Variants in MIPEP observed in about 807,000 individuals in gnomAD.
The protein encoded by MIPEP is mitochondrial intermediate peptidase.
MIPEP carries 79 observed loss-of-function variants against 90.3 expected under a neutral mutation model. The observed-to-expected ratio is 0.87, with a 90% CI of 0.73 to 1.05. The LOEUF (loss-of-function observed/expected upper bound fraction) is 1.05. Among genes scored for constraint, MIPEP ranks in the 50% least tolerant of loss-of-function variants. MIPEP has a pLI of 0.00. For synonymous variants in MIPEP, 334 were observed against 315.8 expected, an observed-to-expected ratio of 1.06 and a Z score of -0.61; for missense variants, 940 against 905.6, an observed-to-expected ratio of 1.04 and a Z score of -0.49.
chr13:23,809,395 G>A (rs1321991856), intron 15 of MIPEP, among the ~76,000 whole-genome samples: 2 of 151,548 alleles, frequency 1.3e-5, no homozygotes, highest in Non-Finnish European at 2.9e-5. Flanking sequence ...GCCCAGGCTG[G>A]AGTCAGTGGC....
chr13:23,814,773 A>G (rs954437748), intron 14 of MIPEP, among the ~76,000 whole-genome samples: 3 of 152,288 alleles, frequency 2.0e-5, no homozygotes, highest in South Asian at 4.2e-4. Context: ...AAGAAATACC[A>G]TTCGTTCCAT....
intron 14 of MIPEP, among the ~76,000 whole-genome samples, chr13:23,830,286 T>C (rs1384913139): frequency 6.6e-6 from 1 of 152,198 alleles, no homozygotes; most frequent in Non-Finnish European, 1.5e-5. Context: ...ATCTTAGGCA[T>C]AAAATATATA....
intron 14 of MIPEP, among the ~76,000 whole-genome samples, chr13:23,822,439 T>C (rs1034434600): frequency 3.9e-5 from 6 of 152,214 alleles, no homozygotes; most frequent in Admixed American, 1.3e-4. Context: ...AAGGCTGTAC[T>C]ACGGTTGGGT....
intron 4 of MIPEP, among the ~76,000 whole-genome samples, chr13:23,878,119 T>C (rs1871142163): frequency 6.6e-6 from 1 of 152,226 alleles, no homozygotes; most frequent in Non-Finnish European, 1.5e-5. Context: ...TGAATAACCT[T>C]CTATTTTTAA....
intron 18 of MIPEP, among the ~76,000 whole-genome samples, chr13:23,741,201 A>T (rs1952324484): frequency 6.6e-6 from 1 of 152,230 alleles, no homozygotes; most frequent in Admixed American, 6.5e-5. Flanking sequence ...AGAAAAAGGA[A>T]TGCTTATACA....
intron 16 of MIPEP, among the ~76,000 whole-genome samples, chr13:23,786,822 C>T (rs1028378728): frequency 2.0e-5 from 3 of 152,176 alleles, no homozygotes; most frequent in Admixed American, 2.0e-4. Flanking sequence ...ATCAACTTTG[C>T]TTACCTTTTG....
intron 14 of MIPEP, among the ~76,000 whole-genome samples, chr13:23,827,445 A>G (rs924687472): frequency 3.3e-5 from 5 of 152,190 alleles, no homozygotes; most frequent in African/African-American, 1.2e-4. Context: ...ATCTTCCCAC[A>G]GAGGAAACAA....
At chr13:23,833,618 C>T (rs760745706) in intron 14 of MIPEP, among the ~76,000 whole-genome samples, 1 of 152,200 alleles carries the variant, frequency 6.6e-6, no homozygotes, top group East Asian at 1.9e-4. Flanking sequence ...CCTTACATCA[C>T]ACTTGGAGCA....
At chr13:23,866,706 G>A (rs1870554405) in intron 7 of MIPEP, among the ~76,000 whole-genome samples, 1 of 152,116 alleles carries the variant, frequency 6.6e-6, no homozygotes, top group Non-Finnish European at 1.5e-5. Flanking sequence ...CGCAGTCCTT[G>A]GACTTGTTCT....
At chr13:23,779,317 T>C (rs1452375422) in intron 16 of MIPEP, among the ~76,000 whole-genome samples, 4 of 152,156 alleles carry the variant, frequency 2.6e-5, no homozygotes, top group Non-Finnish European at 4.4e-5. Context: ...GATAGTATGT[T>C]TTCATTAGAA....
chr13:23,861,251 A>G (rs1045574147), intron 9 of MIPEP, among the ~76,000 whole-genome samples: 1 of 152,214 alleles, frequency 6.6e-6, no homozygotes, highest in Non-Finnish European at 1.5e-5. Flanking sequence ...ACAAATATCT[A>G]CAGATAACAG....
At chr13:23,869,197 TA>T in intron 7 of MIPEP, 94 bp downstream of exon 7, 2 of 1,177,974 alleles carry the variant, frequency 1.7e-6, no homozygotes, top group Non-Finnish European at 2.4e-6. Flanking sequence ...CTACATGTAT[TA>T]AAAATAGAAC....
intron 18 of MIPEP, among the ~76,000 whole-genome samples, chr13:23,751,371 G>C (rs1220181979): frequency 1.3e-5 from 2 of 152,216 alleles, no homozygotes; most frequent in African/African-American, 4.8e-5. Flanking sequence ...TCTAGACTTT[G>C]GTTTGGTGAG....
intron 16 of MIPEP, among the ~76,000 whole-genome samples, chr13:23,773,866 T>C (rs1440185339): frequency 6.6e-6 from 1 of 152,222 alleles, no homozygotes; most frequent in African/African-American, 2.4e-5. Context: ...TATTTCACTT[T>C]CATGGTAGTG....
intron 17 of MIPEP, among the ~76,000 whole-genome samples, chr13:23,757,630 G>C (rs545361232): frequency 7.9e-5 from 12 of 152,270 alleles, no homozygotes; most frequent in African/African-American, 2.4e-4. Flanking sequence ...CTTGGTTCAG[G>C]ATAACAGTTA....
At chr13:23,846,095 G>C (rs570066256) in intron 10 of MIPEP, among the ~76,000 whole-genome samples, 1 of 151,860 alleles carries the variant, frequency 6.6e-6, no homozygotes, top group South Asian at 2.1e-4. Flanking sequence ...TTTATTTATT[G>C]GTTTAGCAAT....
intron 9 of MIPEP, 28 bp downstream of exon 9, chr13:23,862,274 T>C (rs1171068130): frequency 1.5e-6 from 2 of 1,342,480 alleles, no homozygotes; most frequent in Non-Finnish European, 2.1e-6. Context: ...CTGTCTATAT[T>C]ATAATAAAAA....
At chr13:23,809,358 T>G (rs1953147018) in intron 15 of MIPEP, among the ~76,000 whole-genome samples, 1 of 151,990 alleles carries the variant, frequency 6.6e-6, no homozygotes, top group Admixed American at 6.6e-5. Context: ...GTCTTTTTTT[T>G]TTTTTGAGAC....
intron 18 of MIPEP, among the ~76,000 whole-genome samples, chr13:23,747,719 C>A (rs1280595045): frequency 2.6e-5 from 4 of 152,092 alleles, no homozygotes; most frequent in African/African-American, 9.7e-5. Context: ...AAAACCTGTT[C>A]CCATTGTAAT....
Sources: allele counts gnomAD v4.1 joint callset (sites outside exome capture counted in the v4.1 genomes callset), GRCh38; gene constraint gnomAD v4.1.1; transcripts MANE v1.5; gene names NCBI Gene and HGNC (gene_info 2026-07-23, HGNC 2026-07-21).